CTNNBIP1: variants seen among roughly 807,000 people sequenced by gnomAD.
CTNNBIP1 encodes the protein beta-catenin-interacting protein 1.
A neutral mutation model predicts 11.8 loss-of-function variants in CTNNBIP1; 7 were observed. The ratio of observed to expected loss-of-function variants is 0.60; its 90% CI spans 0.34 to 1.12. CTNNBIP1 has a LOEUF of 1.12. CTNNBIP1 is among the 50% of genes most tolerant of loss of function. The pLI, the probability that CTNNBIP1 is intolerant of heterozygous loss-of-function variation, is 0.03. For missense variants in CTNNBIP1, 101 were observed against 113.4 expected (o/e 0.89, Z 0.50); for synonymous variants, 58 against 43.9 (o/e 1.32, Z -1.26).
At chr1:9,892,198 G>A (rs1457267894) in intron 1 of CTNNBIP1, among the ~76,000 whole-genome samples, 2 of 151,938 alleles carry the variant, frequency 1.3e-5, no homozygotes, top group Non-Finnish European at 2.9e-5. Flanking sequence ...TGAGGCGGGC[G>A]GATCATGAGG....
chr1:9,853,980 G>C (rs957174624), intron 5 of CTNNBIP1, among the ~76,000 whole-genome samples: 2 of 152,064 alleles, frequency 1.3e-5, no homozygotes, highest in East Asian at 3.9e-4. Context: ...ATGCAAGGTT[G>C]GTTTAACATC....
intron 1 of CTNNBIP1, among the ~76,000 whole-genome samples, chr1:9,900,682 C>T (rs749428318): frequency 2.0e-5 from 3 of 152,242 alleles, no homozygotes; most frequent in Non-Finnish European, 4.4e-5. Flanking sequence ...AGCTCCCTTA[C>T]ATCCCACCAC....
At chr1:9,869,156 C>T (rs1638807154) in intron 5 of CTNNBIP1, among the ~76,000 whole-genome samples, 1 of 151,542 alleles carries the variant, frequency 6.6e-6, no homozygotes, top group Non-Finnish European at 1.5e-5. Context: ...TGTGCCACCA[C>T]AGCCAGCTAG....
chr1:9,866,653 C>T (rs1417605938), intron 5 of CTNNBIP1, among the ~76,000 whole-genome samples: 1 of 149,952 alleles, frequency 6.7e-6, no homozygotes, highest in Non-Finnish European at 1.5e-5. Flanking sequence ...GCACTCCAGC[C>T]TGGGTGACAG....
intron 5 of CTNNBIP1, among the ~76,000 whole-genome samples, chr1:9,868,522 C>G (rs1638793802): frequency 1.3e-5 from 2 of 152,160 alleles, no homozygotes; most frequent in South Asian, 4.1e-4. Flanking sequence ...TTTTAACTTT[C>G]CCTTATGACA....
rs188844054 is a variant in CTNNBIP1 at position 9,868,740 on chromosome 1, G to A, written c.187+2447C>T. On this transcript the variant is annotated intron_variant, in intron 5 of 5. Transcript: ENST00000377263. ...CCTCCCAGATTCAAGCGGTTCTCCT[G>A]CCTTAATCTCCCAAGTAGCTGGGTA... is the stretch of plus-strand genomic sequence containing the variant. 8.7e-3 allele frequency among the ~76,000 whole-genome samples: 1,326 copies of A among 151,964 alleles called. 20 individuals carry two copies. The highest frequency in any genetic ancestry group is 0.029 in the African/African-American group (1,216 of 41,416).
chr1:9,850,827 C>T (rs757881676), intron 5 of CTNNBIP1, 51 bp from the exon 6 acceptor site: 73 of 1,568,526 alleles, frequency 4.7e-5, no homozygotes, highest in Middle Eastern at 3.4e-4. Flanking sequence ...CATTGGCTTG[C>T]GAACAGGACA....
intron 1 of CTNNBIP1, among the ~76,000 whole-genome samples, chr1:9,907,296 G>A (rs543885716): frequency 8.5e-5 from 13 of 152,072 alleles, no homozygotes; most frequent in South Asian, 2.1e-4. Context: ...TCAGCCTCTC[G>A]AGTAGCTGGG....
At chr1:9,897,448 C>T (rs1327901909) in intron 1 of CTNNBIP1, among the ~76,000 whole-genome samples, 1 of 151,234 alleles carries the variant, frequency 6.6e-6, no homozygotes, top group African/African-American at 2.4e-5. Context: ...AGCGAGACTC[C>T]GTCTCAAAAA....
intron 5 of CTNNBIP1, among the ~76,000 whole-genome samples, chr1:9,858,656 C>T (rs1344079561): frequency 6.6e-6 from 1 of 152,244 alleles, no homozygotes; most frequent in Non-Finnish European, 1.5e-5. Flanking sequence ...ACCCTCAGTG[C>T]TACCCACAGA....
At chr1:9,865,245 GT>G (rs1414763112) in intron 5 of CTNNBIP1, among the ~76,000 whole-genome samples, 13 of 142,444 alleles carry the variant, frequency 9.1e-5, no homozygotes, top group Non-Finnish European at 1.9e-4. Flanking sequence ...AAAAAAAAAA[GT>G]TTTATTGGAA....
chr1:9,853,593 G>A (rs966986405), intron 5 of CTNNBIP1, among the ~76,000 whole-genome samples: 2 of 152,174 alleles, frequency 1.3e-5, no homozygotes, highest in Non-Finnish European at 2.9e-5. Flanking sequence ...AGCAAAGAGG[G>A]CAGCAGGCCA....
In CTNNBIP1 at chr1:9,872,934, G is replaced by A. The variant is rs963974691; in HGVS notation, c.-24-846C>T. On this transcript the variant is annotated intron_variant, in intron 3 of 5. Transcript: ENST00000377263. The surrounding 1 kb of genome is among the most constrained non-coding windows in gnomAD (Gnocchi z 4.0). ...CAGAAATAACGCAGCAGCTGCTGGG[G>A]TGGAGCCTTATCAGCCCTGGTGCCA... Among the ~76,000 whole-genome samples, 3 of 152,152 alleles carry A rather than the reference G, an allele frequency of 2.0e-5. No individual in the cohort carries two copies. Among genetic ancestry groups the A allele is most frequent in the Non-Finnish European group, 4.4e-5 (3 of 68,022 alleles).
intron 2 of CTNNBIP1, among the ~76,000 whole-genome samples, chr1:9,878,614 ACTGCCTTCTTTTCTT>A (rs1206711822): frequency 6.6e-6 from 1 of 152,240 alleles, no homozygotes; most frequent in Non-Finnish European, 1.5e-5. Context: ...ATCTCAGAAC[ACTGCCTTCTTTTCTT>A]CTGCCTCCTA....
chr1:9,863,740 G>T (rs1271570062), intron 5 of CTNNBIP1, among the ~76,000 whole-genome samples: 5 of 152,250 alleles, frequency 3.3e-5, no homozygotes, highest in African/African-American at 1.2e-4. Context: ...GAAGGGGTCA[G>T]CGAGGGCTTC....
intron 1 of CTNNBIP1, among the ~76,000 whole-genome samples, chr1:9,890,886 G>A (rs2101526114): frequency 6.6e-6 from 1 of 152,272 alleles, no homozygotes; most frequent in South Asian, 2.1e-4. Flanking sequence ...ATTTCTGTCA[G>A]GAAGGGACCA....
At chr1:9,894,517 G>A (rs1035353921) in intron 1 of CTNNBIP1, among the ~76,000 whole-genome samples, 3 of 151,194 alleles carry the variant, frequency 2.0e-5, no homozygotes, top group African/African-American at 7.3e-5. Flanking sequence ...AACCACACTC[G>A]ACTGCTTTTT....
chr1:9,872,744 C>T lies in CTNNBIP1; in HGVS notation c.-24-656G>A, dbSNP rs543743627. 1.3e-5 allele frequency among the ~76,000 whole-genome samples: 2 copies of T among 152,304 alleles called. No homozygotes were observed. Among genetic ancestry groups the T allele is most frequent in the Admixed American group, 1.3e-4 (2 of 15,300 alleles). Reference sequence around the variant, plus strand: ...CCCACCTGTCAGAGGGTAGCTCCTGCAGGCAGCTGGGAAGGCCAGCAGCGT... The same window carrying T: ...CCCACCTGTCAGAGGGTAGCTCCTGTAGGCAGCTGGGAAGGCCAGCAGCGT... On this transcript the variant is annotated intron_variant, in intron 3 of 5. Transcript: ENST00000377263. This position sits in a 1 kb window ranked among gnomAD's most constrained non-coding sequence, Gnocchi z 4.0.
chr1:9,861,459 C>T (rs1638624480), intron 5 of CTNNBIP1, among the ~76,000 whole-genome samples: 1 of 152,218 alleles, frequency 6.6e-6, no homozygotes, highest in South Asian at 2.1e-4. Flanking sequence ...CAGGGGATGG[C>T]TTTTACCCAG....
Sources: gnomAD v4.1 joint callset for allele counts (sites outside exome capture counted in the v4.1 genomes callset) on GRCh38, gnomAD v4.1.1 for gene constraint, Gnocchi (gnomAD v3.1) non-coding constraint, MANE v1.5 for transcripts, NCBI Gene and HGNC (gene_info 2026-07-23, HGNC 2026-07-21) for gene names.